The following CSMD1 variants were observed in gnomAD, a reference collection of about 807,000 sequenced individuals.
CSMD1 encodes the protein CUB and sushi domain-containing protein 1.
In CSMD1, 213 loss-of-function variants were observed where a neutral mutation model predicts 417.5. The ratio of observed to expected loss-of-function variants is 0.51; its 90% CI spans 0.46 to 0.57. The LOEUF (loss-of-function observed/expected upper bound fraction) is 0.57, where lower values mean the gene tolerates loss of function less well. Ranked by LOEUF, CSMD1 falls within the 20% of genes least tolerant of loss-of-function variation. The pLI is 0.00. For synonymous variants in CSMD1, 2,862 were observed against 1,736.8 expected, an observed-to-expected ratio of 1.65 and a Z score of -16.11; for missense variants, 6,923 against 4,529.7, an observed-to-expected ratio of 1.53 and a Z score of -15.17.
chr8:3,476,200 A>G (rs1457015598), intron 11 of CSMD1, among the ~76,000 whole-genome samples: 1 of 152,214 alleles, frequency 6.6e-6, no homozygotes, highest in East Asian at 1.9e-4. Flanking sequence ...ATGCAAAAAC[A>G]AAACAAGAGA....
chr8:3,917,666 G>A (rs971440014), intron 5 of CSMD1, among the ~76,000 whole-genome samples: 2 of 151,934 alleles, frequency 1.3e-5, no homozygotes, highest in African/African-American at 4.8e-5. Flanking sequence ...CATGCAAAAA[G>A]TTGTACACAT....
At chr8:4,521,881 A>G (rs369643614) in intron 2 of CSMD1, among the ~76,000 whole-genome samples, 3 of 152,332 alleles carry the variant, frequency 2.0e-5, no homozygotes, top group African/African-American at 7.2e-5. Flanking sequence ...GAAAACTGTC[A>G]GGTCAAATTG....
At chr8:3,817,327 C>T (rs1035918434) in intron 5 of CSMD1, among the ~76,000 whole-genome samples, 5 of 118,706 alleles carry the variant, frequency 4.2e-5, no homozygotes, top group African/African-American at 9.7e-5. Flanking sequence ...GTCACCCAGG[C>T]TGGAGTACAG....
At chr8:4,390,497 T>TTTTTTTATTTATTATTTA (rs58291340) in intron 3 of CSMD1, among the ~76,000 whole-genome samples, 1 of 140,324 alleles carries the variant, frequency 7.1e-6, no homozygotes, top group African/African-American at 2.7e-5. Context: ...AAGCGTCCAT[T>TTTTTTTATTTATTATTTA]TTTATTTATT....
intron 48 of CSMD1, among the ~76,000 whole-genome samples, chr8:3,089,244 C>T (rs1814757640): frequency 6.6e-6 from 1 of 152,170 alleles, no homozygotes; most frequent in African/African-American, 2.4e-5. Context: ...AATGGGTACC[C>T]AGGTGAGAGA....
intron 10 of CSMD1, among the ~76,000 whole-genome samples, chr8:3,532,989 C>G (rs1270044792): frequency 6.6e-6 from 1 of 152,160 alleles, no homozygotes; most frequent in Non-Finnish European, 1.5e-5. Flanking sequence ...TTTATACATT[C>G]CCTTCTACTC....
At chr8:3,479,779 C>G (rs564302534) in intron 11 of CSMD1, among the ~76,000 whole-genome samples, 2 of 151,714 alleles carry the variant, frequency 1.3e-5, no homozygotes, top group South Asian at 2.1e-4. Context: ...CCAACCCCAA[C>G]AGAAATGAAT....
At chr8:4,007,754 T>G (rs1336291378) in intron 4 of CSMD1, among the ~76,000 whole-genome samples, 1 of 152,206 alleles carries the variant, frequency 6.6e-6, no homozygotes, top group Non-Finnish European at 1.5e-5. Flanking sequence ...CAAACAAGCC[T>G]CTATTCATTT....
chr8:4,277,780 C>T (rs1563377142), intron 3 of CSMD1, among the ~76,000 whole-genome samples: 1 of 152,188 alleles, frequency 6.6e-6, no homozygotes, highest in East Asian at 1.9e-4. Context: ...CGGAGTCTCA[C>T]TCTGTTGCCC....
At chr8:2,953,035 T>G (rs569375940) in intron 65 of CSMD1, among the ~76,000 whole-genome samples, 71 of 152,262 alleles carry the variant, frequency 4.7e-4, no homozygotes, top group Non-Finnish European at 7.8e-4. Flanking sequence ...GGAATATTGA[T>G]AATAATGTTT....
intron 2 of CSMD1, among the ~76,000 whole-genome samples, chr8:4,494,855 A>G (rs1434307082): frequency 1.3e-5 from 2 of 152,216 alleles, no homozygotes; most frequent in Non-Finnish European, 2.9e-5. Context: ...GTAGGTAGCA[A>G]TTCTACCTGA....
intron 2 of CSMD1, among the ~76,000 whole-genome samples, chr8:4,447,580 A>C (rs1458593533): frequency 6.6e-6 from 1 of 152,224 alleles, no homozygotes; most frequent in African/African-American, 2.4e-5. Context: ...ATGCTCTGTC[A>C]ACAGAAAACG....
chr8:4,968,608 T>G (rs1810032832), intron 1 of CSMD1, among the ~76,000 whole-genome samples: 1 of 152,084 alleles, frequency 6.6e-6, no homozygotes, highest in Non-Finnish European at 1.5e-5. Flanking sequence ...CAGACCAGTT[T>G]CTCTCCCCTC....
At chr8:3,485,261 G>A (rs893565221) in intron 11 of CSMD1, among the ~76,000 whole-genome samples, 1 of 152,076 alleles carries the variant, frequency 6.6e-6, no homozygotes, top group African/African-American at 2.4e-5. Context: ...CAAAGTCCAG[G>A]GAATTTTGCT....
chr8:4,099,626 C>G (rs528202926), intron 3 of CSMD1, among the ~76,000 whole-genome samples: 1 of 151,532 alleles, frequency 6.6e-6, no homozygotes. Context: ...AAAAAAAAAA[C>G]CTCACTTTCT....
At chr8:3,430,072 C>T (rs753098078) in intron 12 of CSMD1, among the ~76,000 whole-genome samples, 1 of 152,016 alleles carries the variant, frequency 6.6e-6, no homozygotes, top group Non-Finnish European at 1.5e-5. Context: ...TGTATATATA[C>T]ACACATGCAT....
chr8:4,587,970 C>T (rs1799787876), intron 2 of CSMD1, among the ~76,000 whole-genome samples: 2 of 152,136 alleles, frequency 1.3e-5, no homozygotes, highest in African/African-American at 4.8e-5. Context: ...GTATACCCAG[C>T]AACATCAACT....
chr8:3,890,428 C>G (rs1052503150), intron 5 of CSMD1, among the ~76,000 whole-genome samples: 7 of 151,730 alleles, frequency 4.6e-5, no homozygotes, highest in Non-Finnish European at 1.0e-4. Context: ...CCTGAACAAG[C>G]TCGCAGTGTC....
intron 3 of CSMD1, among the ~76,000 whole-genome samples, chr8:4,293,162 T>A (rs567286069): frequency 7.9e-5 from 12 of 152,122 alleles, no homozygotes; most frequent in Admixed American, 3.3e-4. Flanking sequence ...TTGTCCAGTA[T>A]ACTCTGAGGA....
Sources: gnomAD v4.1 joint callset for allele counts (sites outside exome capture counted in the v4.1 genomes callset) on GRCh38, gnomAD v4.1.1 for gene constraint, MANE v1.5 for transcripts, NCBI Gene and HGNC (gene_info 2026-07-23, HGNC 2026-07-21) for gene names.